Variants in GALNT10 observed in about 807,000 individuals in gnomAD.
The protein encoded by GALNT10 is GalNAc transferase 10.
A neutral mutation model predicts 75.0 loss-of-function variants in GALNT10; 41 were observed. That is an observed-to-expected ratio of 0.55 (90% confidence interval 0.43 to 0.71). The LOEUF (loss-of-function observed/expected upper bound fraction) is 0.71, where lower values mean the gene tolerates loss of function less well. GALNT10 is among the 30% of genes least tolerant of loss of function. GALNT10 has a pLI of 0.00. For missense variants in GALNT10, 727 were observed against 818.5 expected (o/e 0.89, Z 1.36); for synonymous variants, 302 against 313.0 (o/e 0.96, Z 0.37).
intron 1 of GALNT10, among the ~76,000 whole-genome samples, chr5:154,285,612 G>A (rs1054195540): frequency 6.6e-6 from 1 of 151,990 alleles, no homozygotes. Context: ...AAAAAAATCT[G>A]TGTGTGCCCA....
At chr5:154,199,720 G>C (rs943982836) in intron 1 of GALNT10, among the ~76,000 whole-genome samples, 1 of 152,142 alleles carries the variant, frequency 6.6e-6, no homozygotes, top group Admixed American at 6.5e-5. Flanking sequence ...TCTTGGGAAG[G>C]GTTAGTATTG....
intron 1 of GALNT10, among the ~76,000 whole-genome samples, chr5:154,280,625 C>T (rs754490623): frequency 1.3e-5 from 2 of 152,092 alleles, no homozygotes; most frequent in East Asian, 1.9e-4. Flanking sequence ...CTTAAACAAC[C>T]GAAGTTTTCA....
At chr5:154,410,399 A>C (rs1756374335) in intron 9 of GALNT10, among the ~76,000 whole-genome samples, 1 of 152,000 alleles carries the variant, frequency 6.6e-6, no homozygotes, top group African/African-American at 2.4e-5. Flanking sequence ...AAAAAAAGAA[A>C]AAATTAGCCA....
At chr5:154,287,283 T>C (rs1329822907) in intron 1 of GALNT10, among the ~76,000 whole-genome samples, 2 of 152,220 alleles carry the variant, frequency 1.3e-5, no homozygotes, top group East Asian at 1.9e-4. Context: ...CCTGGTCTTA[T>C]TGCTCGTGAC....
intron 1 of GALNT10, among the ~76,000 whole-genome samples, chr5:154,261,816 C>T (rs1239172954): frequency 6.6e-6 from 1 of 152,198 alleles, no homozygotes; most frequent in Non-Finnish European, 1.5e-5. Context: ...ACCTATTTAG[C>T]TTACGATTGT....
At chr5:154,282,644 G>T (rs1754055463) in intron 1 of GALNT10, among the ~76,000 whole-genome samples, 1 of 152,152 alleles carries the variant, frequency 6.6e-6, no homozygotes, top group African/African-American at 2.4e-5. Flanking sequence ...TTAGGATCAG[G>T]TGAGCCAGCT....
chr5:154,287,743 A>G (rs1754133276), intron 1 of GALNT10, among the ~76,000 whole-genome samples: 1 of 152,226 alleles, frequency 6.6e-6, no homozygotes, highest in African/African-American at 2.4e-5. Context: ...TGAATTAATA[A>G]AAACAATCCA....
At chr5:154,414,596 G>A (rs1013695525) in intron 10 of GALNT10, among the ~76,000 whole-genome samples, 2 of 152,004 alleles carry the variant, frequency 1.3e-5, no homozygotes, top group African/African-American at 4.8e-5. Flanking sequence ...GGTGGGGACA[G>A]GAGGAGGAGA....
intron 1 of GALNT10, among the ~76,000 whole-genome samples, chr5:154,223,946 A>T (rs926807826): frequency 9.3e-5 from 14 of 150,986 alleles, no homozygotes; most frequent in African/African-American, 3.4e-4. Flanking sequence ...AAACTAAACA[A>T]CAACAGCAGA....
At chr5:154,405,121 C>A (rs1181069003) in intron 8 of GALNT10, among the ~76,000 whole-genome samples, 3 of 152,222 alleles carry the variant, frequency 2.0e-5, no homozygotes, top group Non-Finnish European at 4.4e-5. Context: ...AGCCCCGCCC[C>A]GGCCAGGAGA....
chr5:154,203,614 T>G (rs1775061120), intron 1 of GALNT10, among the ~76,000 whole-genome samples: 1 of 152,218 alleles, frequency 6.6e-6, no homozygotes, highest in Non-Finnish European at 1.5e-5. Context: ...TTAGAATTAG[T>G]CTGTCTCTTG....
At chr5:154,270,290 G>A (rs1321665858) in intron 1 of GALNT10, among the ~76,000 whole-genome samples, 1 of 148,680 alleles carries the variant, frequency 6.7e-6, no homozygotes, top group Non-Finnish European at 1.5e-5. Context: ...ATGCATACTA[G>A]ATCTAGCTCT....
At chr5:154,389,770 A>G (rs1755865777) in intron 7 of GALNT10, among the ~76,000 whole-genome samples, 1 of 152,066 alleles carries the variant, frequency 6.6e-6, no homozygotes, top group African/African-American at 2.4e-5. Context: ...TTAAAAGTAT[A>G]CAAATATATA....
chr5:154,318,193 G>A (rs763908598), intron 3 of GALNT10, among the ~76,000 whole-genome samples: 2 of 152,180 alleles, frequency 1.3e-5, no homozygotes, highest in Non-Finnish European at 2.9e-5. Context: ...AAGGAAAATC[G>A]GGTTGCTGCT....
At chr5:154,234,342 A>G (rs1309886630) in intron 1 of GALNT10, among the ~76,000 whole-genome samples, 1 of 152,142 alleles carries the variant, frequency 6.6e-6, no homozygotes, top group African/African-American at 2.4e-5. Context: ...GGCAGTGGTG[A>G]CAGAAACCAG....
At chr5:154,404,252 C>A (rs1490169344) in intron 8 of GALNT10, 41 bp downstream of exon 8, 1 of 1,294,346 alleles carries the variant, frequency 7.7e-7, no homozygotes, top group Admixed American at 2.1e-5. Flanking sequence ...AGGGGTTGGC[C>A]TAGGACCATC....
At chr5:154,209,751 G>A (rs1057472303) in intron 1 of GALNT10, among the ~76,000 whole-genome samples, 5 of 152,136 alleles carry the variant, frequency 3.3e-5, no homozygotes, top group African/African-American at 1.2e-4. Context: ...TTGGGGGTTA[G>A]GATTTCAACA....
chr5:154,336,258 C>T lies in GALNT10; in HGVS notation c.568+6520C>T, dbSNP rs75814022. Among the ~76,000 whole-genome samples the T allele has an allele frequency of 2.0e-3, 310 of 152,228 alleles. 3 individuals carry two copies. Among genetic ancestry groups the T allele is most frequent in the African/African-American group, 6.2e-3 (256 of 41,520 alleles). ...TACTGAAGGACATCTTGGCTGCTTCCGAGTTTTGGCAAATATTAGTAAAAC... is the reference window on the plus strand; with the variant it reads ...TACTGAAGGACATCTTGGCTGCTTCTGAGTTTTGGCAAATATTAGTAAAAC... On this transcript the variant is annotated intron_variant, in intron 4 of 11. Coordinates refer to ENST00000297107, the MANE Select transcript of GALNT10 (RefSeq NM_198321.4).
At position 154,417,221 on chromosome 5, in the gene GALNT10, G is replaced by A. The variant is rs1756533113; in HGVS notation, c.*249G>A. The stretch of plus-strand genomic sequence containing the variant: ...AGCAGAGACTGCTTTAATCCCTGCT[G>A]ACATCACGGAAAAGCAACAGAGCCT... On this transcript the variant is annotated 3_prime_UTR_variant, in exon 12 of 12. Coordinates refer to ENST00000297107, the MANE Select transcript of GALNT10 (RefSeq NM_198321.4). 6.4e-6 allele frequency: 3 copies of A among 471,192 alleles called. No individual in the cohort carries two copies. The highest frequency in any genetic ancestry group is 3.5e-5 in the East Asian group (1 of 28,668). The allele number at this position is 471,192 out of a possible 1,614,324, so 29.2% of individuals were successfully genotyped here. A position where few individuals can be genotyped will look rare whatever the true frequency, so the allele number is the denominator to read the frequency against.
Sources: allele counts gnomAD v4.1 joint callset (sites outside exome capture counted in the v4.1 genomes callset), GRCh38; gene constraint gnomAD v4.1.1; transcripts MANE v1.5; gene names NCBI Gene and HGNC (gene_info 2026-07-23, HGNC 2026-07-21).